COMMD6: variants seen among roughly 807,000 people sequenced by gnomAD.
The protein encoded by COMMD6 is COMM domain-containing protein 6.
Under a neutral mutation model 13.4 loss-of-function variants are expected in COMMD6, and 11 were observed. The observed-to-expected ratio is 0.82, with a 90% CI of 0.52 to 1.36. The LOEUF is 1.36. COMMD6 is among the 40% of genes most tolerant of loss of function. The pLI, the probability that COMMD6 is intolerant of heterozygous loss-of-function variation, is 0.00. For synonymous variants in COMMD6, 43 were observed against 36.5 expected, an observed-to-expected ratio of 1.18 and a Z score of -0.64; for missense variants, 124 against 102.4, an observed-to-expected ratio of 1.21 and a Z score of -0.91.
At chr13:75,530,318 G>A (rs190549851) in intron 2 of COMMD6, 52 bp from the exon 3 acceptor site, 20 of 1,444,690 alleles carry the variant, frequency 1.4e-5, no homozygotes, top group East Asian at 7.0e-5. Context: ...TACCTGGAAT[G>A]CAGATATTTA....
At chr13:75,539,412 A>C (rs1163204434), upstream of COMMD6, among the ~76,000 whole-genome samples, 2 of 151,914 alleles carry the variant, frequency 1.3e-5, no homozygotes, top group African/African-American at 4.8e-5. Context: ...GCTAATTTTC[A>C]TATTTTTAGT....
chr13:75,547,635 A>T (rs1338929836), intron 1 of COMMD6, among the ~76,000 whole-genome samples: 2 of 152,216 alleles, frequency 1.3e-5, no homozygotes, highest in South Asian at 2.1e-4. Context: ...TGATAGGTAC[A>T]TCCATACCAG....
chr13:75,535,805 A>G (rs1324819760), intron 2 of COMMD6, among the ~76,000 whole-genome samples: 1 of 152,220 alleles, frequency 6.6e-6, no homozygotes, highest in Non-Finnish European at 1.5e-5. Flanking sequence ...GCGCTGGATC[A>G]CAAAGTAAAA....
chr13:75,542,431 A>G (rs1257040892), upstream of COMMD6, among the ~76,000 whole-genome samples: 1 of 152,018 alleles, frequency 6.6e-6, no homozygotes, highest in East Asian at 1.9e-4. Flanking sequence ...CTGGGATTAC[A>G]GGCATGCGCC....
chr13:75,539,507 A>T (rs928598208), upstream of COMMD6, among the ~76,000 whole-genome samples: 4 of 152,132 alleles, frequency 2.6e-5, no homozygotes, highest in African/African-American at 9.7e-5. Flanking sequence ...TTGGCCTCCC[A>T]AAGTGCTGGG....
rs9600491 is a variant in COMMD6, at chr13:75,537,564, A to C, written c.54+100T>G. 611 of 1,569,964 alleles carry C rather than the reference A, an allele frequency of 3.9e-4. No homozygotes were observed. The African/African-American group carries it at 5.0e-3, about 13-fold the overall frequency. ...GGCTGAAGGTCACCGGCTCGCGGAC[A>C]CAGGACTAGGGGAGACCTGGGGAAG... On this transcript the variant is annotated intron_variant, in intron 2 of 3. Transcript: ENST00000682242.
chr13:75,538,623 T>C (rs765637195), upstream of COMMD6: 2 of 152,210 alleles, frequency 1.3e-5, no homozygotes, highest in Non-Finnish European at 2.9e-5. Context: ...TAGGGCATTC[T>C]TCTAAATAAC....
At chr13:75,527,038 T>C (rs2030288223) in intron 3 of COMMD6, among the ~76,000 whole-genome samples, 1 of 152,208 alleles carries the variant, frequency 6.6e-6, no homozygotes, top group Non-Finnish European at 1.5e-5. Context: ...TTTAAGATTA[T>C]GGGTTCAATT....
chr13:75,547,902 A>G (rs1245210606), intron 1 of COMMD6, among the ~76,000 whole-genome samples: 1 of 152,248 alleles, frequency 6.6e-6, no homozygotes, highest in Non-Finnish European at 1.5e-5. Context: ...ATACAGCTTC[A>G]ACACATTTAT....
At chr13:75,527,847 T>C (rs369698724) in intron 3 of COMMD6, 14 of 1,508,710 alleles carry the variant, frequency 9.3e-6, no homozygotes, top group Non-Finnish European at 1.2e-5. Context: ...TGCCAGGAGC[T>C]GAGGCTGGGG....
At chr13:75,529,379 G>A (rs530144230) in intron 3 of COMMD6, among the ~76,000 whole-genome samples, 5 of 152,186 alleles carry the variant, frequency 3.3e-5, no homozygotes, top group South Asian at 2.1e-4. Context: ...AAATTAGCCA[G>A]GCATGGTGGT....
At chr13:75,526,738 TAA>T in intron 3 of COMMD6, 99 bp from the exon 4 acceptor site, 1 of 719,082 alleles carries the variant, frequency 1.4e-6, no homozygotes, top group East Asian at 2.9e-5. Flanking sequence ...TATAACATAT[TAA>T]GTTTGCATTT....
At chr13:75,530,314 G>C (rs757163690) in intron 2 of COMMD6, 48 bp from the exon 3 acceptor site, 1 of 1,456,952 alleles carries the variant, frequency 6.9e-7, no homozygotes, top group Non-Finnish European at 9.4e-7. Context: ...ACATTACCTG[G>C]AATGCAGATA....
At chr13:75,527,687 A>C in intron 3 of COMMD6, 1 of 1,015,248 alleles carries the variant, frequency 9.8e-7, no homozygotes, top group Non-Finnish European at 1.3e-6. Flanking sequence ...AAAGAAGGAA[A>C]TCCTGCCATT....
upstream of COMMD6, chr13:75,538,840 T>C (rs1202141624): frequency 2.0e-5 from 3 of 150,732 alleles, no homozygotes; most frequent in African/African-American, 7.3e-5. Flanking sequence ...ACTGCACCGG[T>C]AAACGGTCAG....
At chr13:75,540,662 G>A (rs766820817), upstream of COMMD6, among the ~76,000 whole-genome samples, 7 of 152,132 alleles carry the variant, frequency 4.6e-5, no homozygotes, top group Non-Finnish European at 8.8e-5. Flanking sequence ...CACAAACTTC[G>A]CAGTTGGAAA....
chr13:75,537,713 T>C, intron 1 of COMMD6, 38 bp from the exon 2 acceptor site: 2 of 1,614,034 alleles, frequency 1.2e-6, no homozygotes, highest in South Asian at 1.1e-5. Flanking sequence ...GAGAAACATC[T>C]TTCTTGCTCC....
rs547187586 is a variant in COMMD6, at chr13:75,530,129, C to A, written c.192G>T (p.Thr64=). Residue 64 remains threonine, a synonymous_variant, in exon 3 of 4, where the codon ACG becomes ACT. Transcript: ENST00000682242. ...GQVKTKCFEM[T]IPQFQNFYRQ... ...AATCACAAACCTGAAACTGTGGAAT[C>A]GTCATTTCAAAGCACTTGGTCTTTA... 1 of 1,612,246 alleles carries A rather than the reference C, an allele frequency of 6.2e-7. No individual in the cohort carries two copies. Among genetic ancestry groups the A allele is most frequent in the South Asian group, 1.1e-5 (1 of 90,630 alleles).
upstream of COMMD6, among the ~76,000 whole-genome samples, chr13:75,542,191 A>C (rs2030835590): frequency 6.6e-6 from 1 of 151,908 alleles, no homozygotes; most frequent in Non-Finnish European, 1.5e-5. Flanking sequence ...GTATTGGCAG[A>C]GTCTTTTGTG....
Sources: allele counts gnomAD v4.1 joint callset (sites outside exome capture counted in the v4.1 genomes callset), GRCh38; gene constraint gnomAD v4.1.1; transcripts MANE v1.5; gene names NCBI Gene and HGNC (gene_info 2026-07-23, HGNC 2026-07-21).